Variants in C14orf39 observed in about 807,000 individuals in gnomAD.
C14orf39 encodes chromosome 14 open reading frame 39, also known as protein SIX6OS1.
In C14orf39, 66 loss-of-function variants were observed where a neutral mutation model predicts 85.6. The observed-to-expected ratio is 0.77, with a 90% CI of 0.63 to 0.95. C14orf39 has a LOEUF of 0.95. C14orf39 is among the 40% of genes least tolerant of loss of function. The pLI is 0.00. For synonymous variants in C14orf39, 242 were observed against 214.0 expected, an observed-to-expected ratio of 1.13 and a Z score of -1.14; for missense variants, 735 against 663.9, an observed-to-expected ratio of 1.11 and a Z score of -1.18.
intron 5 of C14orf39, among the ~76,000 whole-genome samples, chr14:60,476,722 C>T (rs562572885): frequency 7.9e-5 from 12 of 152,066 alleles, no homozygotes; most frequent in Middle Eastern, 3.2e-3. Flanking sequence ...TTGACAGATG[C>T]TATAAGAAGC....
At chr14:60,482,967 T>A (rs1205008150) in intron 4 of C14orf39, among the ~76,000 whole-genome samples, 1 of 151,768 alleles carries the variant, frequency 6.6e-6, no homozygotes, top group Non-Finnish European at 1.5e-5. Flanking sequence ...AGTCATTACC[T>A]ATGCAGAGGA....
chr14:60,443,152 T>C (rs978558281), intron 16 of C14orf39, among the ~76,000 whole-genome samples: 4 of 152,092 alleles, frequency 2.6e-5, no homozygotes, highest in Non-Finnish European at 4.4e-5. Flanking sequence ...GGTACCTGGT[T>C]CATCTCAATG....
intron 2 of C14orf39, chr14:60,495,720 G>A (rs997925054): frequency 2.7e-5 from 5 of 187,756 alleles, no homozygotes; most frequent in Non-Finnish European, 5.6e-5. Flanking sequence ...AAGTGGGAGC[G>A]GAGTTGTATC....
intron 17 of C14orf39, among the ~76,000 whole-genome samples, chr14:60,440,278 T>C: frequency 6.6e-6 from 1 of 152,114 alleles, no homozygotes; most frequent in East Asian, 1.9e-4. Context: ...AATAGGCTTT[T>C]CAATTAAAAC....
chr14:60,477,297 T>C (rs1297969314), intron 5 of C14orf39, among the ~76,000 whole-genome samples: 1 of 152,178 alleles, frequency 6.6e-6, no homozygotes, highest in Admixed American at 6.5e-5. Context: ...ATAACTTTAG[T>C]CCCTACCTTT....
At chr14:60,502,671 T>C (rs1039319291) in intron 1 of C14orf39, among the ~76,000 whole-genome samples, 10 of 152,230 alleles carry the variant, frequency 6.6e-5, no homozygotes, top group African/African-American at 2.4e-4. Flanking sequence ...CTCATTTCTC[T>C]GTCCCTTAAT....
intron 1 of C14orf39, among the ~76,000 whole-genome samples, chr14:60,499,752 G>A (rs1471680526): frequency 6.6e-6 from 1 of 152,166 alleles, no homozygotes; most frequent in Non-Finnish European, 1.5e-5. Flanking sequence ...GTGAAAAACT[G>A]TGAAGAAATA....
At chr14:60,452,597 G>T (rs1441458105) in intron 16 of C14orf39, among the ~76,000 whole-genome samples, 2 of 151,974 alleles carry the variant, frequency 1.3e-5, no homozygotes, top group Non-Finnish European at 2.9e-5. Context: ...GCACAATAGG[G>T]TGACTATAGT....
chr14:60,471,166 T>C (rs1365882157), intron 7 of C14orf39, among the ~76,000 whole-genome samples: 4 of 151,946 alleles, frequency 2.6e-5, no homozygotes, highest in African/African-American at 9.7e-5. Context: ...TTTTCATTGG[T>C]TTGGTTCCTA....
chr14:60,454,068 C>T (rs1891153977), intron 16 of C14orf39, among the ~76,000 whole-genome samples: 1 of 151,646 alleles, frequency 6.6e-6, no homozygotes, highest in Admixed American at 6.6e-5. Context: ...TAGCATACTC[C>T]TAGGAATTAC....
intron 4 of C14orf39, among the ~76,000 whole-genome samples, chr14:60,482,454 A>G (rs1455242353): frequency 6.6e-6 from 1 of 152,214 alleles, no homozygotes; most frequent in Non-Finnish European, 1.5e-5. Context: ...TTATAAAAGT[A>G]ATAGTCTTTA....
intron 17 of C14orf39, among the ~76,000 whole-genome samples, chr14:60,437,986 T>C (rs1595434744): frequency 6.6e-6 from 1 of 151,666 alleles, no homozygotes; most frequent in East Asian, 1.9e-4. Context: ...AACATCCTAA[T>C]TCTAATTTAA....
chr14:60,468,553 G>T lies in C14orf39; in HGVS notation c.676-17C>A. On this transcript the variant is annotated splice_polypyrimidine_tract_variant and intron_variant, in intron 8 of 17. Transcript: ENST00000321731. ...AGATATCTGCTAAAAAGACAATTGG[G>T]AACACAAAACAAAATAATTACTTGC... 7.0e-7 allele frequency: 1 copy of T among 1,435,144 alleles called. No individual in the cohort carries two copies. The highest frequency in any genetic ancestry group is 9.5e-7 in the Non-Finnish European group (1 of 1,053,604). 88.9% of individuals were successfully genotyped at this position (1,435,144 alleles called of 1,614,324 possible). A position where few individuals can be genotyped will look rare whatever the true frequency, so the allele number is the denominator to read the frequency against.
At chr14:60,462,986 T>C (rs1032690479) in intron 11 of C14orf39, among the ~76,000 whole-genome samples, 10 of 152,130 alleles carry the variant, frequency 6.6e-5, no homozygotes, top group African/African-American at 9.7e-5. Flanking sequence ...TTCGAGTAGA[T>C]GTCAAGCAGT....
intron 9 of C14orf39, 66 bp downstream of exon 9, chr14:60,468,379 T>C (rs1245227919): frequency 4.9e-5 from 47 of 960,438 alleles, no homozygotes; most frequent in East Asian, 2.4e-4. Flanking sequence ...GGATGGAATA[T>C]AGAATCAAAC....
chr14:60,495,110 A>G lies in C14orf39; in HGVS notation c.-9+4186T>C, dbSNP rs114476967. 1.8e-3 allele frequency: 445 copies of G among 242,536 alleles called. 1 individual carries two copies. Among genetic ancestry groups the G allele is most frequent in the African/African-American group, 9.5e-3 (418 of 43,976 alleles). 15.0% of individuals were successfully genotyped at this position (242,536 alleles called of 1,614,324 possible). ...TGTGTCTTCAAGTTGCCTTTGGTAG[A>G]AAAAGCTTGGCCATAGATCTTACAT... On this transcript the variant is annotated intron_variant, in intron 2 of 5. Transcript: ENST00000556799.
intron 1 of C14orf39, chr14:60,509,580 C>T: frequency 6.2e-7 from 1 of 1,613,020 alleles, no homozygotes; most frequent in Admixed American, 1.7e-5. Context: ...GCCATCGTGG[C>T]CTTTCACGGT....
Position 60,485,082 on chromosome 14 carries a change from G to C in C14orf39, c.-4C>G, listed in dbSNP as rs917891344. 3 of 1,607,018 alleles carry C rather than the reference G, an allele frequency of 1.9e-6. No homozygotes were observed. Among genetic ancestry groups the C allele is most frequent in the African/African-American group, 2.7e-5 (2 of 74,152 alleles). On this transcript the variant is annotated 5_prime_UTR_variant, in exon 2 of 18. Transcript: ENST00000321731. ...TGACAAACAGGCTGTCATTCATCTT[G>C]GATACTATGTTAAATGAAAAAAAAA...
intron 1 of C14orf39, among the ~76,000 whole-genome samples, chr14:60,505,079 A>T (rs1232121417): frequency 6.6e-6 from 1 of 152,258 alleles, no homozygotes; most frequent in Non-Finnish European, 1.5e-5. Context: ...CAATATTTTA[A>T]TTGTAATACT....
Sources: allele counts gnomAD v4.1 joint callset (sites outside exome capture counted in the v4.1 genomes callset), GRCh38; gene constraint gnomAD v4.1.1; transcripts MANE v1.5; gene names NCBI Gene and HGNC (gene_info 2026-07-23, HGNC 2026-07-21).